Variants in ZSCAN5A observed in about 807,000 individuals in gnomAD.
ZSCAN5A encodes the protein zinc finger and SCAN domain containing 5A.
Under a neutral mutation model 23.7 loss-of-function variants are expected in ZSCAN5A, and 12 were observed. That is an observed-to-expected ratio of 0.51 (90% CI 0.32 to 0.82). ZSCAN5A has a LOEUF of 0.82. ZSCAN5A is among the 40% of genes least tolerant of loss of function. The pLI, the probability that ZSCAN5A is intolerant of heterozygous loss-of-function variation, is 0.03. For synonymous variants in ZSCAN5A, 257 were observed against 239.9 expected (o/e 1.07, Z -0.66); for missense variants, 597 against 617.9 (o/e 0.97, Z 0.36).
chr19:56,246,225 A>G (rs537308879), intron 2 of ZSCAN5A: 20 of 196,082 alleles, frequency 1.0e-4, no homozygotes, highest in African/African-American at 4.2e-4. Flanking sequence ...GTCATTAGAA[A>G]AGTTGGTGTA....
At chr19:56,357,696 T>C (rs761595045) in intron 2 of ZSCAN5A, among the ~76,000 whole-genome samples, 2 of 147,792 alleles carry the variant, frequency 1.4e-5, no homozygotes, top group East Asian at 1.9e-4. Context: ...ATGAAGCAAC[T>C]AGATTAACAA....
chr19:56,334,590 T>C (rs1271672948), intron 2 of ZSCAN5A, among the ~76,000 whole-genome samples: 1 of 152,190 alleles, frequency 6.6e-6, no homozygotes, highest in Admixed American at 6.5e-5. Context: ...CCCAAGAATT[T>C]ATTTTTTGTG....
intron 2 of ZSCAN5A, among the ~76,000 whole-genome samples, chr19:56,312,989 A>G (rs181840938): frequency 1.0e-3 from 158 of 152,264 alleles, no homozygotes; most frequent in African/African-American, 3.7e-3. Context: ...TATGATTATG[A>G]TTGTTTATTT....
At chr19:56,367,392 T>G (rs1275531698) in intron 1 of ZSCAN5A, 3 of 152,064 alleles carry the variant, frequency 2.0e-5, no homozygotes, top group African/African-American at 7.2e-5. Context: ...AAAATTAAAA[T>G]GATATGCAGC....
intron 2 of ZSCAN5A, among the ~76,000 whole-genome samples, chr19:56,297,258 T>G (rs1242215172): frequency 6.6e-6 from 1 of 152,070 alleles, no homozygotes; most frequent in Non-Finnish European, 1.5e-5. Flanking sequence ...CTTTATTCTC[T>G]TCTCTCCTCA....
At chr19:56,245,495 T>C (rs930690406) in intron 2 of ZSCAN5A, 13 of 457,234 alleles carry the variant, frequency 2.8e-5, no homozygotes, top group Non-Finnish European at 4.8e-5. Flanking sequence ...AGTGTGCCTC[T>C]GGACTGATTG....
chr19:56,267,053 GTCTA>G (rs1026641803), intron 2 of ZSCAN5A, among the ~76,000 whole-genome samples: 7 of 32,198 alleles, frequency 2.2e-4, no homozygotes, highest in Non-Finnish European at 2.3e-4. Context: ...TGTTCCCTCT[GTCTA>G]AGCTACTCTT....
chr19:56,223,828 C>T lies in ZSCAN5A; in HGVS notation c.391G>A (p.Val131Ile), dbSNP rs1189644637. The T allele has an allele frequency of 6.2e-6, 10 of 1,611,262 alleles. No individual in the cohort carries two copies. Among genetic ancestry groups the T allele is most frequent in the Non-Finnish European group, 8.5e-6 (10 of 1,179,846 alleles). Residue 131 changes from valine to isoleucine, a missense_variant, in exon 4 of 6, where the codon GTC (valine) becomes ATC (isoleucine). Physicochemically the swap from Val to Ile is conservative, Grantham distance 29. Around this residue, in one of 5 missense-constraint regions of ZSCAN5A, gnomAD observed 27 missense variants for 93.5 expected, o/e 0.29. Transcript: ENST00000683990. ...ATATATTCCTTTCCGTGGAAGGTGACCACAGACTGTAGAGAGAAAAAAGAC... is the reference window on the plus strand; with the variant it reads ...ATATATTCCTTTCCGTGGAAGGTGATCACAGACTGTAGAGAGAAAAAAGAC... ...NNRRPKKWSV[V>I]TFHGKEYIVQ...
At chr19:56,239,845 C>G (rs117163960) in intron 2 of ZSCAN5A, among the ~76,000 whole-genome samples, 2 of 152,104 alleles carry the variant, frequency 1.3e-5, no homozygotes, top group Admixed American at 6.5e-5. Flanking sequence ...CTGTGTGGCG[C>G]GAGGGGACCC....
At chr19:56,310,074 G>C (rs1191730794) in intron 2 of ZSCAN5A, 2 of 152,378 alleles carry the variant, frequency 1.3e-5, no homozygotes, top group Admixed American at 6.5e-5. Flanking sequence ...GTATGAGAAT[G>C]CATGAAGACG....
intron 2 of ZSCAN5A, chr19:56,295,045 G>A (rs976891437): frequency 2.6e-5 from 4 of 152,270 alleles, no homozygotes; most frequent in Non-Finnish European, 4.4e-5. Context: ...AATGGCCAAC[G>A]GGTACACGGT....
upstream of ZSCAN5A, chr19:56,319,821 C>T (rs897145680): frequency 3.1e-5 from 24 of 778,880 alleles, no homozygotes; most frequent in Non-Finnish European, 4.8e-5. Flanking sequence ...ACTCTTCTGT[C>T]GAGGTTCTCT....
chr19:56,250,147 A>G (rs923885142), intron 2 of ZSCAN5A, among the ~76,000 whole-genome samples: 4 of 152,210 alleles, frequency 2.6e-5, no homozygotes, highest in African/African-American at 9.7e-5. Flanking sequence ...TAGACAGGAC[A>G]CCCTGAGAGA....
intron 2 of ZSCAN5A, among the ~76,000 whole-genome samples, chr19:56,269,216 G>C (rs2037675849): frequency 6.6e-6 from 1 of 152,102 alleles, no homozygotes; most frequent in Non-Finnish European, 1.5e-5. Context: ...ATCTTCTACA[G>C]GGGCTATACC....
chr19:56,335,278 C>A (rs2041524457), intron 2 of ZSCAN5A, among the ~76,000 whole-genome samples: 1 of 151,812 alleles, frequency 6.6e-6, no homozygotes, highest in Admixed American at 6.6e-5. Context: ...AATAACCAAA[C>A]CTCCAAGAAA....
intron 2 of ZSCAN5A, chr19:56,244,357 G>T: frequency 6.3e-7 from 1 of 1,595,554 alleles, no homozygotes; most frequent in South Asian, 1.1e-5. Context: ...TCTTAGTCAA[G>T]GTGAACGGTG....
intron 2 of ZSCAN5A, among the ~76,000 whole-genome samples, chr19:56,229,858 G>A (rs892090497): frequency 2.6e-5 from 4 of 151,968 alleles, no homozygotes; most frequent in African/African-American, 7.3e-5. Context: ...TATTGTAAAT[G>A]GGATTGCTTT....
intron 2 of ZSCAN5A, among the ~76,000 whole-genome samples, chr19:56,304,619 C>A (rs1260640560): frequency 6.6e-6 from 1 of 151,336 alleles, no homozygotes; most frequent in African/African-American, 2.4e-5. Flanking sequence ...TGGTGAGAGG[C>A]GGGCTGAATA....
In ZSCAN5A at chr19:56,237,561, G is replaced by A. The variant is rs2035028572; in HGVS notation, c.-127-12388C>T. On this transcript the variant is annotated intron_variant, in intron 2 of 5. Coordinates refer to ENST00000683990, the MANE Select transcript of ZSCAN5A (RefSeq NM_001322064.3). ...ATCTTCTATATTTTCAATTTATCAG[G>A]ATGTGACTTCGCTGTACGTTGAAGA... Among the ~76,000 whole-genome samples, 4 of 152,216 alleles carry A rather than the reference G, an allele frequency of 2.6e-5. No individual in the cohort carries two copies. In the South Asian group the frequency reaches 8.3e-4, roughly 32 times the overall value.
Sources: gnomAD v4.1 joint callset for allele counts (sites outside exome capture counted in the v4.1 genomes callset) on GRCh38, gnomAD v4.1.1 for gene constraint, gnomAD v4.1.1 regional missense constraint, MANE v1.5 for transcripts, NCBI Gene and HGNC (gene_info 2026-07-23, HGNC 2026-07-21) for gene names.